The following BARD1 variants were observed in gnomAD, a reference collection of about 807,000 sequenced individuals.
The protein encoded by BARD1 is BRCA1-associated RING domain protein 1.
BARD1 carries 73 observed loss-of-function variants against 77.0 expected under a neutral mutation model. The observed-to-expected ratio is 0.95, with a 90% confidence interval of 0.79 to 1.15. The LOEUF is 1.15. BARD1 is among the 50% of genes most tolerant of loss of function. BARD1 has a pLI of 0.00. For synonymous variants in BARD1, 384 were observed against 338.0 expected, an observed-to-expected ratio of 1.14 and a Z score of -1.49; for missense variants, 993 against 938.8, an observed-to-expected ratio of 1.06 and a Z score of -0.75.
At chr2:214,749,732 T>G (rs913183612) in intron 7 of BARD1, among the ~76,000 whole-genome samples, 2 of 151,990 alleles carry the variant, frequency 1.3e-5, no homozygotes, top group Non-Finnish European at 2.9e-5. Context: ...CCGACCTAAG[T>G]TTTAAGAAAT....
At chr2:214,759,519 T>G (rs1368854609) in intron 6 of BARD1, among the ~76,000 whole-genome samples, 1 of 152,124 alleles carries the variant, frequency 6.6e-6, no homozygotes, top group Non-Finnish European at 1.5e-5. Flanking sequence ...TCTTATTGTT[T>G]TAGCTCACAA....
In BARD1 at chr2:214,726,502, T is replaced by C. The variant is rs1692090464; in HGVS notation, c.*2174A>G. 9.1e-6 allele frequency: 2 copies of C among 219,358 alleles called. No individual in the cohort carries two copies. The highest frequency in any genetic ancestry group is 1.2e-4 in the Admixed American group (2 of 17,340). 13.6% of individuals were successfully genotyped at this position (219,358 alleles called of 1,614,324 possible). ...TAGTACACTTTAGAAATATTTTTAT[T>C]CAAAATTAATTAAAAAGCATTATGT... On this transcript the variant is annotated 3_prime_UTR_variant, in exon 11 of 11. Transcript: ENST00000260947.
At chr2:214,786,110 T>A (rs1233046388) in intron 3 of BARD1, among the ~76,000 whole-genome samples, 1 of 151,936 alleles carries the variant, frequency 6.6e-6, no homozygotes, top group African/African-American at 2.4e-5. Context: ...AGAAAACCAG[T>A]GGCCACTAGT....
At position 214,784,338 on chromosome 2, in the gene BARD1, G is replaced by A. The variant is rs540118030; in HGVS notation, c.365-2829C>T. On this transcript the variant is annotated intron_variant, in intron 3 of 10. Coordinates refer to ENST00000260947, the MANE Select transcript of BARD1 (RefSeq NM_000465.4). ...AAACCACAATGAGATATCATCTCACGCCAGTTAGAATGGCGATCATTAAAA... is the reference window on the plus strand; with the variant it reads ...AAACCACAATGAGATATCATCTCACACCAGTTAGAATGGCGATCATTAAAA... 1.3e-4 allele frequency among the ~76,000 whole-genome samples: 20 copies of A among 152,166 alleles called. 1 individual carries two copies. The highest frequency in any genetic ancestry group is 4.1e-4 in the African/African-American group (17 of 41,532).
intron 7 of BARD1, among the ~76,000 whole-genome samples, chr2:214,751,117 G>GTGTA (rs1486423673): frequency 1.2e-4 from 2 of 16,290 alleles, no homozygotes; most frequent in Non-Finnish European, 2.8e-4. Flanking sequence ...GTGTGTGTGT[G>GTGTA]TATATATATA....
intron 7 of BARD1, among the ~76,000 whole-genome samples, chr2:214,750,585 A>G (rs971996254): frequency 1.3e-5 from 2 of 152,044 alleles, no homozygotes; most frequent in African/African-American, 4.8e-5. Context: ...CTCAAAATCT[A>G]TTGCTCACTT....
At chr2:214,751,150 TA>T (rs1324205580) in intron 7 of BARD1, among the ~76,000 whole-genome samples, 8 of 29,878 alleles carry the variant, frequency 2.7e-4, no homozygotes, top group African/African-American at 3.7e-4. Context: ...TATATATATA[TA>T]TTTTTTTTTT....
At chr2:214,804,861 TAAA>T in intron 1 of BARD1, among the ~76,000 whole-genome samples, 1 of 152,234 alleles carries the variant, frequency 6.6e-6, no homozygotes, top group Non-Finnish European at 1.5e-5. Flanking sequence ...GGCTCCATTT[TAAA>T]AATCTATTCG....
intron 3 of BARD1, among the ~76,000 whole-genome samples, chr2:214,788,888 T>C (rs1342660675): frequency 6.6e-6 from 1 of 152,074 alleles, no homozygotes; most frequent in East Asian, 1.9e-4. Context: ...AGGTACTGCG[T>C]AAAATACACT....
At chr2:214,757,366 T>C (rs1019920412) in intron 6 of BARD1, among the ~76,000 whole-genome samples, 1 of 152,104 alleles carries the variant, frequency 6.6e-6, no homozygotes, top group Admixed American at 6.5e-5. Context: ...AAATATGCTT[T>C]ATAAAATCTT....
At chr2:214,769,557 C>T (rs1326602905) in intron 4 of BARD1, among the ~76,000 whole-genome samples, 2 of 152,130 alleles carry the variant, frequency 1.3e-5, no homozygotes, top group Non-Finnish European at 2.9e-5. Context: ...GCCTGGTCAA[C>T]ATGGTGAAAC....
chr2:214,767,004 T>G (rs933089201), intron 6 of BARD1, among the ~76,000 whole-genome samples: 5 of 152,132 alleles, frequency 3.3e-5, no homozygotes, highest in Admixed American at 6.5e-5. Flanking sequence ...GACTCTGGTG[T>G]CTGTTGTTCC....
chr2:214,775,973 A>G (rs1694721606), intron 4 of BARD1, among the ~76,000 whole-genome samples: 1 of 152,220 alleles, frequency 6.6e-6, no homozygotes, highest in Admixed American at 6.5e-5. Flanking sequence ...AATAAACTAC[A>G]AAGTTAAACT....
At chr2:214,767,374 A>T in intron 6 of BARD1, 108 bp downstream of exon 6, 1 of 1,077,126 alleles carries the variant, frequency 9.3e-7, no homozygotes, top group Admixed American at 1.9e-5. Flanking sequence ...TTAGTTGTGA[A>T]AGTGAAGAAA....
intron 6 of BARD1, among the ~76,000 whole-genome samples, chr2:214,762,384 A>T (rs6726764): frequency 5.9e-5 from 9 of 151,844 alleles, no homozygotes; most frequent in Non-Finnish European, 1.3e-4. Context: ...TCAGTCTATA[A>T]CTAGAATAAC....
At chr2:214,785,325 G>C (rs1173632836) in intron 3 of BARD1, among the ~76,000 whole-genome samples, 2 of 151,838 alleles carry the variant, frequency 1.3e-5, no homozygotes, top group African/African-American at 4.9e-5. Flanking sequence ...CTACCTTCAA[G>C]TTGTCTTATG....
intron 4 of BARD1, among the ~76,000 whole-genome samples, chr2:214,778,195 C>T (rs1694817916): frequency 6.7e-6 from 1 of 148,354 alleles, no homozygotes; most frequent in Non-Finnish European, 1.5e-5. Context: ...GACTCTGTCC[C>T]CCGCCCCTCC....
chr2:214,782,313 T>C (rs1559427235), intron 3 of BARD1, among the ~76,000 whole-genome samples: 2 of 152,102 alleles, frequency 1.3e-5, no homozygotes, highest in South Asian at 2.1e-4. Context: ...TCAAAACTGA[T>C]TTAATGTGTT....
In BARD1 at chr2:214,731,026, G is replaced by A. The variant is rs1692331597; in HGVS notation, c.1904-518C>T. 7.5e-6 allele frequency: 3 copies of A among 398,706 alleles called. No individual in the cohort carries two copies. The Admixed American group carries it at 8.1e-5, about 11-fold the overall frequency. 24.7% of individuals were successfully genotyped at this position (398,706 alleles called of 1,614,324 possible). ...CAAGCTCAGCTAGCCACACAACAGG[G>A]GTTCAACAGCGCTTCCTAAAATAAA... On this transcript the variant is annotated intron_variant, in intron 9 of 10. Coordinates refer to ENST00000260947, the MANE Select transcript of BARD1 (RefSeq NM_000465.4).
Sources: allele counts gnomAD v4.1 joint callset (sites outside exome capture counted in the v4.1 genomes callset), GRCh38; gene constraint gnomAD v4.1.1; transcripts MANE v1.5; gene names NCBI Gene and HGNC (gene_info 2026-07-23, HGNC 2026-07-21).